ITFG1: variants seen among roughly 807,000 people sequenced by gnomAD.
ITFG1 encodes integrin alpha FG-GAP repeat containing 1.
A neutral mutation model predicts 81.8 loss-of-function variants in ITFG1; 34 were observed. That is an observed-to-expected ratio of 0.42 (90% CI 0.32 to 0.55). The LOEUF (loss-of-function observed/expected upper bound fraction) is 0.55. ITFG1 is among the 20% of genes least tolerant of loss of function. The pLI, the probability that ITFG1 is intolerant of heterozygous loss-of-function variation, is 0.17. For synonymous variants in ITFG1, 285 were observed against 270.6 expected (o/e 1.05, Z -0.52); for missense variants, 672 against 755.4 (o/e 0.89, Z 1.29).
At chr16:47,352,040 C>A (rs1444570996) in intron 8 of ITFG1, among the ~76,000 whole-genome samples, 1 of 152,190 alleles carries the variant, frequency 6.6e-6, no homozygotes, top group Non-Finnish European at 1.5e-5. Flanking sequence ...CTTCCTTACA[C>A]CTTATACAAA....
chr16:47,177,603 A>T (rs1965046018), intron 14 of ITFG1, among the ~76,000 whole-genome samples: 1 of 151,776 alleles, frequency 6.6e-6, no homozygotes, highest in Non-Finnish European at 1.5e-5. Flanking sequence ...TAATTCTATA[A>T]GATATCAATT....
chr16:47,197,922 A>G (rs1965377843), intron 14 of ITFG1, among the ~76,000 whole-genome samples: 1 of 152,198 alleles, frequency 6.6e-6, no homozygotes, highest in South Asian at 2.1e-4. Context: ...TTACTTCAGT[A>G]TGTTTGCCCC....
chr16:47,395,070 A>G (rs777351365), intron 6 of ITFG1, among the ~76,000 whole-genome samples: 2 of 152,164 alleles, frequency 1.3e-5, no homozygotes, highest in African/African-American at 2.4e-5. Context: ...ACATTTTTAC[A>G]TGGCTTATTG....
At chr16:47,408,558 A>C (rs1292682523) in intron 6 of ITFG1, among the ~76,000 whole-genome samples, 1 of 152,312 alleles carries the variant, frequency 6.6e-6, no homozygotes, top group African/African-American at 2.4e-5. Context: ...TTAATATCTC[A>C]TCAATAGACC....
At chr16:47,259,748 G>A (rs1966183340) in intron 11 of ITFG1, among the ~76,000 whole-genome samples, 2 of 151,986 alleles carry the variant, frequency 1.3e-5, no homozygotes, top group African/African-American at 4.8e-5. Flanking sequence ...GCGGTAAACT[G>A]GCATTTCACC....
intron 14 of ITFG1, 38 bp downstream of exon 14, chr16:47,218,830 A>T (rs1190692244): frequency 1.6e-6 from 2 of 1,264,948 alleles, no homozygotes; most frequent in Non-Finnish European, 2.2e-6. Context: ...TTGACTGAAG[A>T]AGCTTTTATA....
chr16:47,432,334 C>T (rs1398124657), intron 5 of ITFG1, among the ~76,000 whole-genome samples: 1 of 152,136 alleles, frequency 6.6e-6, no homozygotes, highest in African/African-American at 2.4e-5. Flanking sequence ...GACTGGATAG[C>T]AAACAAGGTT....
At chr16:47,459,408 A>G (rs1480654629) in intron 1 of ITFG1, among the ~76,000 whole-genome samples, 1 of 152,236 alleles carries the variant, frequency 6.6e-6, no homozygotes, top group Non-Finnish European at 1.5e-5. Flanking sequence ...GGGAAAAAGC[A>G]GCTGATCAAG....
At chr16:47,399,469 A>G (rs983302001) in intron 6 of ITFG1, among the ~76,000 whole-genome samples, 2 of 152,056 alleles carry the variant, frequency 1.3e-5, no homozygotes, top group Non-Finnish European at 2.9e-5. Context: ...GCTACTCAGG[A>G]GGCTGAGGCA....
At chr16:47,329,369 T>C (rs1306603167) in intron 8 of ITFG1, among the ~76,000 whole-genome samples, 2 of 152,124 alleles carry the variant, frequency 1.3e-5, no homozygotes, top group Admixed American at 6.6e-5. Flanking sequence ...CTAGATTCCA[T>C]GTATGACATT....
chr16:47,220,393 G>C (rs1336991617), intron 13 of ITFG1, among the ~76,000 whole-genome samples: 1 of 152,194 alleles, frequency 6.6e-6, no homozygotes. Flanking sequence ...ACCAAACAAC[G>C]GATATTCCGA....
intron 14 of ITFG1, chr16:47,196,206 T>G (rs1002288293): frequency 2.0e-5 from 3 of 151,962 alleles, no homozygotes; most frequent in Non-Finnish European, 4.4e-5. Flanking sequence ...AGTGTAGTTT[T>G]TTTTTTTTTT....
chr16:47,293,276 T>G (rs1426429845), intron 10 of ITFG1, among the ~76,000 whole-genome samples: 2 of 150,948 alleles, frequency 1.3e-5, no homozygotes, highest in African/African-American at 4.9e-5. Context: ...TTAGGTTGAT[T>G]ACATATCTTT....
At chr16:47,270,817 T>C (rs1341414880) in intron 10 of ITFG1, among the ~76,000 whole-genome samples, 1 of 151,776 alleles carries the variant, frequency 6.6e-6, no homozygotes, top group Non-Finnish European at 1.5e-5. Flanking sequence ...GGAACAGATA[T>C]TGTGTGATTC....
intron 8 of ITFG1, among the ~76,000 whole-genome samples, chr16:47,325,462 A>G (rs563091901): frequency 6.6e-6 from 1 of 152,358 alleles, no homozygotes; most frequent in South Asian, 2.1e-4. Context: ...AAGGCAAGAA[A>G]TAACTAAGAT....
At chr16:47,414,552 AAAC>A (rs10594135) in intron 6 of ITFG1, among the ~76,000 whole-genome samples, 15,747 of 151,562 alleles carry the variant, frequency 0.1, 1,658 homozygotes, top group African/African-American at 0.28. Context: ...AACAAAAAAC[AAAC>A]AACAACAACA....
chr16:47,202,987 G>A (rs746839986), intron 14 of ITFG1, among the ~76,000 whole-genome samples: 5 of 152,088 alleles, frequency 3.3e-5, no homozygotes, highest in Non-Finnish European at 5.9e-5. Context: ...GATGCAGCAA[G>A]TCTGCTTTTG....
intron 12 of ITFG1, among the ~76,000 whole-genome samples, chr16:47,249,621 T>A (rs1966044139): frequency 6.6e-6 from 1 of 152,206 alleles, no homozygotes; most frequent in Non-Finnish European, 1.5e-5. Context: ...ATGAGCTATG[T>A]GAAATACTGG....
chr16:47,172,910 C>T (rs547070276), intron 14 of ITFG1, among the ~76,000 whole-genome samples: 1 of 152,262 alleles, frequency 6.6e-6, no homozygotes, highest in African/African-American at 2.4e-5. Context: ...ACTTAGTGTA[C>T]ACTCTCCACT....
Sources: allele counts gnomAD v4.1 joint callset (sites outside exome capture counted in the v4.1 genomes callset), GRCh38; gene constraint gnomAD v4.1.1; transcripts MANE v1.5; gene names NCBI Gene and HGNC (gene_info 2026-07-23, HGNC 2026-07-21).